MOGAT1: variants seen among roughly 807,000 people sequenced by gnomAD.
MOGAT1 encodes monoacylglycerol O-acyltransferase 1.
A neutral mutation model predicts 31.4 loss-of-function variants in MOGAT1; 32 were observed. The ratio of observed to expected loss-of-function variants is 1.02; its 90% confidence interval spans 0.77 to 1.37. The LOEUF (loss-of-function observed/expected upper bound fraction) is 1.37, where lower values mean the gene tolerates loss of function less well. MOGAT1 is among the 40% of genes most tolerant of loss of function. MOGAT1 has a pLI of 0.00. For synonymous variants in MOGAT1, 145 were observed against 144.5 expected (o/e 1.00, Z -0.03); for missense variants, 426 against 402.0 (o/e 1.06, Z -0.51).
chr2:222,675,066 T>G (rs951192957), intron 1 of MOGAT1, among the ~76,000 whole-genome samples: 3 of 152,254 alleles, frequency 2.0e-5, no homozygotes, highest in Non-Finnish European at 2.9e-5. Context: ...GAACAGTGTC[T>G]CCCCTTTGTT....
chr2:222,691,174 G>GTTTCTTTTCCTTT (rs1692755279), intron 3 of MOGAT1, among the ~76,000 whole-genome samples: 1 of 151,008 alleles, frequency 6.6e-6, no homozygotes, highest in Non-Finnish European at 1.5e-5. Context: ...GCAATCCCTG[G>GTTTCTTTTCCTTT]TTTCTTTTTA....
At chr2:222,673,872 G>A (rs1460088447) in intron 1 of MOGAT1, among the ~76,000 whole-genome samples, 2 of 152,136 alleles carry the variant, frequency 1.3e-5, no homozygotes, top group African/African-American at 4.8e-5. Flanking sequence ...CTGGCCCATG[G>A]AAGATATACA....
At chr2:222,674,857 A>T (rs1274206230) in intron 1 of MOGAT1, among the ~76,000 whole-genome samples, 1 of 152,148 alleles carries the variant, frequency 6.6e-6, no homozygotes, top group African/African-American at 2.4e-5. Flanking sequence ...TTTTGGTAGA[A>T]ATGGGGCCTC....
intron 1 of MOGAT1, among the ~76,000 whole-genome samples, chr2:222,685,477 A>G (rs1692649537): frequency 6.6e-6 from 1 of 152,204 alleles, no homozygotes; most frequent in Non-Finnish European, 1.5e-5. Flanking sequence ...TTCCAGACCT[A>G]CATCTTAACT....
At chr2:222,686,266 C>T (rs6710583) in intron 1 of MOGAT1, among the ~76,000 whole-genome samples, 34,457 of 152,108 alleles carry the variant, frequency 0.23, 4,060 homozygotes, top group East Asian at 0.33. Flanking sequence ...ATCCTTTGGA[C>T]GCTCAAATTC....
At chr2:222,697,888 T>A (rs1291936067) in intron 5 of MOGAT1, among the ~76,000 whole-genome samples, 1 of 152,142 alleles carries the variant, frequency 6.6e-6, no homozygotes, top group Admixed American at 6.5e-5. Context: ...CTTTTTTTTT[T>A]TCCTTCAGGT....
At position 222,707,281 on chromosome 2, in the gene MOGAT1, GGGAA is replaced by G. The variant is rs374278921; in HGVS notation, c.854-2438_854-2435del. Among the ~76,000 whole-genome samples, 1,205 of 142,640 alleles carry G rather than the reference GGGAA, an allele frequency of 8.4e-3. 13 individuals carry two copies. The highest frequency in any genetic ancestry group is 0.027 in the Middle Eastern group (7 of 264). The allele number at this position is 142,640 out of a possible 152,430, so 93.6% of individuals were successfully genotyped here. A position where few individuals can be genotyped will look rare whatever the true frequency, so the allele number is the denominator to read the frequency against. On this transcript the variant is annotated intron_variant, in intron 5 of 5. Coordinates refer to ENST00000446656, the MANE Select transcript of MOGAT1 (RefSeq NM_058165.3). The stretch of plus-strand genomic sequence containing the variant: ...AAAGAAAGAGAGAGAGAAAGAAGGA[GGGAA>G]GGAAGGAAGGAAGGAAAGGAGGGAG...
intron 1 of MOGAT1, among the ~76,000 whole-genome samples, chr2:222,680,579 A>T (rs554214105): frequency 6.6e-6 from 1 of 152,298 alleles, no homozygotes; most frequent in South Asian, 2.1e-4. Context: ...GAAATTTTTA[A>T]AATCAGAAGA....
chr2:222,688,522 T>C lies in MOGAT1; in HGVS notation c.273T>C (p.His91=), dbSNP rs368334214. The change falls in exon 2 of 6, where the codon CAT becomes CAC. Residue 91 remains histidine, a splice_region_variant and synonymous_variant. Transcript: ENST00000446656. ...WKHFKDYFPI[H]LIKTQDLDPS... is the part of the protein sequence containing the mutation. ...ACTTTAAGGACTATTTTCCAATTCA[T>C]GTGAGTACAGTTGTTTTATAAAGTA... 1 of 1,603,868 alleles carries C rather than the reference T, an allele frequency of 6.2e-7. No homozygotes were observed. The highest frequency in any genetic ancestry group is 8.5e-7 in the Non-Finnish European group (1 of 1,174,578).
chr2:222,679,950 C>T (rs917770066), intron 1 of MOGAT1, among the ~76,000 whole-genome samples: 13 of 152,164 alleles, frequency 8.5e-5, no homozygotes, highest in African/African-American at 2.9e-4. Context: ...TGACAATAGC[C>T]AATCCACTTT....
chr2:222,702,937 A>G (rs1692947888), intron 5 of MOGAT1, among the ~76,000 whole-genome samples: 1 of 152,198 alleles, frequency 6.6e-6, no homozygotes, highest in African/African-American at 2.4e-5. Flanking sequence ...TCATTGTAAA[A>G]TTAAAGAGAT....
intron 1 of MOGAT1, among the ~76,000 whole-genome samples, chr2:222,679,833 C>T (rs575792374): frequency 6.6e-6 from 1 of 152,344 alleles, no homozygotes; most frequent in African/African-American, 2.4e-5. Context: ...AGGTAGATCT[C>T]CAAACAGACC....
At chr2:222,673,204 C>T (rs1559226519) in intron 1 of MOGAT1, among the ~76,000 whole-genome samples, 1 of 151,446 alleles carries the variant, frequency 6.6e-6, no homozygotes, top group Non-Finnish European at 1.5e-5. Flanking sequence ...TGAGCCACCG[C>T]GCCCGGCTCA....
Position 222,689,497 on chromosome 2 carries a change from C to T in MOGAT1, c.478+28C>T, listed in dbSNP as rs776254568. The T allele has an allele frequency of 8.1e-6, 13 of 1,601,164 alleles. No homozygotes were observed. The African/African-American group carries it at 1.2e-4, about 15-fold the overall frequency. Reference sequence around the variant, plus strand: ...AAGTGATGGCAGATCACTGTTTCCACAGTGCTTTGGGGTAGCAGGAGCACA... The same window carrying T: ...AAGTGATGGCAGATCACTGTTTCCATAGTGCTTTGGGGTAGCAGGAGCACA... On this transcript the variant is annotated intron_variant, in intron 3 of 5. Transcript: ENST00000446656.
chr2:222,684,011 G>C (rs1692624867), intron 1 of MOGAT1, among the ~76,000 whole-genome samples: 1 of 152,170 alleles, frequency 6.6e-6, no homozygotes, highest in Non-Finnish European at 1.5e-5. Context: ...AGAAGAATCA[G>C]ATTACCCTGA....
chr2:222,707,594 T>C (rs369909744), intron 5 of MOGAT1, among the ~76,000 whole-genome samples: 2 of 152,262 alleles, frequency 1.3e-5, no homozygotes, highest in Admixed American at 6.5e-5. Flanking sequence ...CCTCTGCTAG[T>C]CCATATTTCC....
intron 5 of MOGAT1, among the ~76,000 whole-genome samples, chr2:222,696,643 C>T (rs1692839798): frequency 1.3e-5 from 2 of 152,044 alleles, no homozygotes; most frequent in South Asian, 4.1e-4. Flanking sequence ...TATTTGCATT[C>T]CTTGTTGATT....
At chr2:222,698,711 T>C (rs993607798) in intron 5 of MOGAT1, 4 of 152,324 alleles carry the variant, frequency 2.6e-5, no homozygotes, top group African/African-American at 9.6e-5. Context: ...CCACCTCAAC[T>C]CTCAGCAGTT....
intron 5 of MOGAT1, chr2:222,698,733 C>G (rs1026722229): frequency 2.6e-5 from 4 of 152,238 alleles, no homozygotes; most frequent in Admixed American, 2.0e-4. Context: ...TTTGAGAAAG[C>G]CTTTCCATGG....
Sources: gnomAD v4.1 joint callset for allele counts (sites outside exome capture counted in the v4.1 genomes callset) on GRCh38, gnomAD v4.1.1 for gene constraint, MANE v1.5 for transcripts, NCBI Gene and HGNC (gene_info 2026-07-23, HGNC 2026-07-21) for gene names.